FHIT: variants seen among roughly 807,000 people sequenced by gnomAD.
FHIT encodes the protein fragile histidine triad diadenosine triphosphatase, also known as bis(5'-adenosyl)-triphosphatase.
In FHIT, 19 loss-of-function variants were observed where a neutral mutation model predicts 17.9. The ratio of observed to expected loss-of-function variants is 1.06; its 90% CI spans 0.74 to 1.56. The LOEUF is 1.56. Among genes scored for constraint, FHIT ranks in the 40% most tolerant of loss-of-function variants. The probability of loss-of-function intolerance (pLI) is 0.00; values close to 1 mark genes in which losing one functional copy is unlikely to be tolerated. For missense variants in FHIT, 248 were observed against 189.2 expected (o/e 1.31, Z -1.82); for synonymous variants, 81 against 69.7 (o/e 1.16, Z -0.81).
At chr3:60,168,907 C>T (rs1424736777) in intron 5 of FHIT, among the ~76,000 whole-genome samples, 1 of 152,298 alleles carries the variant, frequency 6.6e-6, no homozygotes, top group South Asian at 2.1e-4. Context: ...AGCTGCAAAC[C>T]CCAGCAGATA....
chr3:60,734,858 G>T (rs1287609231), intron 4 of FHIT, among the ~76,000 whole-genome samples: 1 of 152,158 alleles, frequency 6.6e-6, no homozygotes, highest in Non-Finnish European at 1.5e-5. Flanking sequence ...AAAACATACT[G>T]AAATAAACAA....
chr3:59,777,254 A>G (rs1322966256), intron 8 of FHIT, among the ~76,000 whole-genome samples: 2 of 152,112 alleles, frequency 1.3e-5, no homozygotes, highest in East Asian at 3.9e-4. Context: ...ACTATCTCCT[A>G]TGACTCCCAC....
intron 4 of FHIT, among the ~76,000 whole-genome samples, chr3:60,565,713 T>C (rs556792558): frequency 8.5e-5 from 13 of 152,314 alleles, no homozygotes; most frequent in African/African-American, 3.1e-4. Context: ...AAAAACCAGC[T>C]CCTGGATTCA....
At chr3:60,425,561 A>C (rs1702631147) in intron 5 of FHIT, among the ~76,000 whole-genome samples, 1 of 152,158 alleles carries the variant, frequency 6.6e-6, no homozygotes, top group Non-Finnish European at 1.5e-5. Flanking sequence ...TGAAGATTTT[A>C]ACACAACCCA....
intron 5 of FHIT, among the ~76,000 whole-genome samples, chr3:60,244,628 T>C (rs557429094): frequency 8.5e-5 from 13 of 152,166 alleles, no homozygotes; most frequent in African/African-American, 2.9e-4. Flanking sequence ...AATTTCTGAA[T>C]TGGGGCCTCA....
intron 3 of FHIT, among the ~76,000 whole-genome samples, chr3:60,923,792 A>G (rs1553769062): frequency 1.3e-5 from 2 of 152,164 alleles, no homozygotes; most frequent in Non-Finnish European, 1.5e-5. Context: ...AAGGGGTCAG[A>G]GAATTCCCTT....
chr3:60,271,298 G>C (rs1218273578), intron 5 of FHIT, among the ~76,000 whole-genome samples: 4 of 152,122 alleles, frequency 2.6e-5, no homozygotes, highest in Non-Finnish European at 5.9e-5. Flanking sequence ...AGCTACTCAG[G>C]AGGCTGAGGC....
chr3:60,631,162 G>C (rs1553682346), intron 4 of FHIT, among the ~76,000 whole-genome samples: 1 of 152,022 alleles, frequency 6.6e-6, no homozygotes, highest in African/African-American at 2.4e-5. Context: ...GGAGCTTGAG[G>C]CGCCCCTCCT....
rs3772452 is a variant in FHIT, at chr3:59,937,083, C to T, written c.280-14669G>A. ...CAAAAGCCTATGCTGAGCTTTATGT[C>T]GATGGTGTCACACATTATTTTCAGT... On this transcript the variant is annotated intron_variant, in intron 7 of 9. Transcript: ENST00000492590. Among the ~76,000 whole-genome samples, 479 of 152,152 alleles carry T rather than the reference C, an allele frequency of 3.1e-3. 13 individuals are homozygous for T. The East Asian group carries it at 0.073, about 23-fold the overall frequency.
At chr3:60,861,718 A>C (rs1040686851) in intron 3 of FHIT, among the ~76,000 whole-genome samples, 5 of 152,118 alleles carry the variant, frequency 3.3e-5, no homozygotes, top group Non-Finnish European at 5.9e-5. Context: ...ATGACACTAA[A>C]ATTTAAGAAA....
intron 2 of FHIT, among the ~76,000 whole-genome samples, chr3:61,062,743 G>A (rs1042815777): frequency 2.6e-5 from 4 of 152,156 alleles, no homozygotes; most frequent in Admixed American, 6.5e-5. Flanking sequence ...GTTACCTGGA[G>A]CCATGAATTA....
intron 1 of FHIT, among the ~76,000 whole-genome samples, chr3:61,215,959 T>C (rs1305784436): frequency 6.8e-6 from 1 of 146,862 alleles, no homozygotes; most frequent in East Asian, 2.0e-4. Flanking sequence ...AAGCTGAAAC[T>C]GGATCCCTTC....
At position 59,930,575 on chromosome 3, in the gene FHIT, T is replaced by A. The variant is rs115157654; in HGVS notation, c.280-8161A>T. On this transcript the variant is annotated intron_variant, in intron 7 of 9. Coordinates refer to ENST00000492590, the MANE Select transcript of FHIT (RefSeq NM_002012.4). ...GGGGCACCAGAAAGGGCGGCAGGCTTCAGTTCCCCCTCCGTGATTCAAACA... is the reference window on the plus strand; with the variant it reads ...GGGGCACCAGAAAGGGCGGCAGGCTACAGTTCCCCCTCCGTGATTCAAACA... 4.7e-3 allele frequency among the ~76,000 whole-genome samples: 721 copies of A among 152,228 alleles called. 1 individual carries two copies. Among genetic ancestry groups the A allele is most frequent in the African/African-American group, 0.016 (664 of 41,522 alleles).
chr3:60,160,427 A>C (rs1436162267), intron 5 of FHIT, among the ~76,000 whole-genome samples: 2 of 152,184 alleles, frequency 1.3e-5, no homozygotes, highest in Non-Finnish European at 2.9e-5. Context: ...TTCTTCCTAC[A>C]GAAGAAACCT....
chr3:59,760,438 G>A (rs1701452325), intron 8 of FHIT, among the ~76,000 whole-genome samples: 1 of 152,018 alleles, frequency 6.6e-6, no homozygotes, highest in Non-Finnish European at 1.5e-5. Context: ...ATCATAATTT[G>A]GACCAGATAT....
At chr3:59,896,129 G>A (rs1243563293) in intron 8 of FHIT, among the ~76,000 whole-genome samples, 3 of 152,122 alleles carry the variant, frequency 2.0e-5, no homozygotes, top group Non-Finnish European at 2.9e-5. Flanking sequence ...GCTCATTTAC[G>A]CTTGTACACT....
At chr3:60,937,032 C>T (rs1373495549) in intron 3 of FHIT, among the ~76,000 whole-genome samples, 2 of 152,166 alleles carry the variant, frequency 1.3e-5, no homozygotes, top group East Asian at 1.9e-4. Context: ...AGACCTAAAG[C>T]TTACTCAAGA....
intron 3 of FHIT, among the ~76,000 whole-genome samples, chr3:61,032,288 C>T (rs1218644976): frequency 6.6e-6 from 1 of 152,150 alleles, no homozygotes; most frequent in Non-Finnish European, 1.5e-5. Context: ...GAGCCAGGAA[C>T]CTTCCAGAGC....
intron 2 of FHIT, among the ~76,000 whole-genome samples, chr3:61,064,664 G>T (rs1157415432): frequency 6.6e-6 from 1 of 152,080 alleles, no homozygotes; most frequent in African/African-American, 2.4e-5. Flanking sequence ...TGTGAGATAA[G>T]GCTCTGCCAC....
Sources: allele counts gnomAD v4.1 joint callset (sites outside exome capture counted in the v4.1 genomes callset), GRCh38; gene constraint gnomAD v4.1.1; transcripts MANE v1.5; gene names NCBI Gene and HGNC (gene_info 2026-07-23, HGNC 2026-07-21).